CADM2: variants seen among roughly 807,000 people sequenced by gnomAD.
CADM2 encodes immunoglobulin superfamily member 4D.
Under a neutral mutation model 49.8 loss-of-function variants are expected in CADM2, and 12 were observed. The observed-to-expected ratio is 0.24, with a 90% confidence interval of 0.15 to 0.39. The LOEUF is 0.39. Among genes scored for constraint, CADM2 ranks in the 10% least tolerant of loss-of-function variants. CADM2 has a pLI of 1.00. For synonymous variants in CADM2, 214 were observed against 175.4 expected, an observed-to-expected ratio of 1.22 and a Z score of -1.74; for missense variants, 378 against 492.3, an observed-to-expected ratio of 0.77 and a Z score of 2.20.
At chr3:85,245,356 C>CA (rs1269152084) in intron 1 of CADM2, among the ~76,000 whole-genome samples, 2 of 151,736 alleles carry the variant, frequency 1.3e-5, no homozygotes, top group South Asian at 2.1e-4. Flanking sequence ...ACTAAAAATA[C>CA]AAAAAATTAG....
At position 86,068,748 on chromosome 3, in the gene CADM2, A is replaced by G. The variant is rs1578111962; in HGVS notation, c.*1965A>G. On this transcript the variant is annotated 3_prime_UTR_variant, in exon 10 of 10. Transcript: ENST00000383699. ...GAATATACAGAACATAAATAATATG[A>G]TGTGGTTGAGTGTTAACATAATAAA... The G allele has an allele frequency of 1.3e-5, 2 of 152,368 alleles. No individual in the cohort carries two copies. Among genetic ancestry groups the G allele is most frequent in the Non-Finnish European group, 1.5e-5 (1 of 67,836 alleles). The allele number at this position is 152,368 out of a possible 1,614,324, so 9.4% of individuals were successfully genotyped here.
intron 1 of CADM2, among the ~76,000 whole-genome samples, chr3:85,526,470 CA>C (rs1221149334): frequency 2.0e-5 from 3 of 152,036 alleles, no homozygotes; most frequent in Non-Finnish European, 4.4e-5. Context: ...TTCAACAAAA[CA>C]AAACAAAAGC....
intron 1 of CADM2, among the ~76,000 whole-genome samples, chr3:85,606,410 C>T (rs751300203): frequency 1.6e-4 from 25 of 152,028 alleles, no homozygotes; most frequent in Non-Finnish European, 3.1e-4. Flanking sequence ...GGAGTGCCCG[C>T]AGCTTAGTTT....
intron 1 of CADM2, among the ~76,000 whole-genome samples, chr3:85,603,269 T>C (rs965414393): frequency 3.3e-5 from 5 of 151,934 alleles, no homozygotes; most frequent in African/African-American, 9.7e-5. Context: ...CTGCATTTCT[T>C]CTAACATGCC....
At chr3:85,439,405 G>A (rs768077958) in intron 1 of CADM2, among the ~76,000 whole-genome samples, 3 of 151,750 alleles carry the variant, frequency 2.0e-5, no homozygotes, top group East Asian at 1.9e-4. Context: ...TGCCCGCCTC[G>A]GCCTATCAAA....
At chr3:85,931,657 A>C (rs996049799) in intron 6 of CADM2, among the ~76,000 whole-genome samples, 5 of 152,314 alleles carry the variant, frequency 3.3e-5, no homozygotes, top group African/African-American at 9.6e-5. Context: ...ATTTGAATTA[A>C]GATTTTAAAA....
At chr3:84,961,424 C>A (rs1273411631) in intron 1 of CADM2, among the ~76,000 whole-genome samples, 2 of 152,130 alleles carry the variant, frequency 1.3e-5, no homozygotes, top group Admixed American at 1.3e-4. Flanking sequence ...GTGCCAGAAT[C>A]TCCGTGAAGG....
intron 1 of CADM2, among the ~76,000 whole-genome samples, chr3:85,327,589 C>CACACACCA (rs1553709186): frequency 1.1e-4 from 13 of 115,214 alleles, no homozygotes; most frequent in African/African-American, 3.6e-4. Flanking sequence ...CACACACACA[C>CACACACCA]CACACACACA....
At chr3:85,685,272 A>T (rs780134175) in intron 1 of CADM2, among the ~76,000 whole-genome samples, 1 of 152,182 alleles carries the variant, frequency 6.6e-6, no homozygotes, top group Admixed American at 6.5e-5. Context: ...CCAGGTAGGC[A>T]TGTCCCCTTG....
At chr3:85,461,089 G>C (rs1271612902) in intron 1 of CADM2, among the ~76,000 whole-genome samples, 1 of 152,084 alleles carries the variant, frequency 6.6e-6, no homozygotes, top group Non-Finnish European at 1.5e-5. Context: ...TCAGTGGAAG[G>C]TACAGAGATT....
At chr3:85,268,329 G>A (rs967399545) in intron 1 of CADM2, among the ~76,000 whole-genome samples, 3 of 151,288 alleles carry the variant, frequency 2.0e-5, no homozygotes, top group African/African-American at 7.3e-5. Flanking sequence ...GGATTAAAAT[G>A]ATTTTCATTA....
intron 1 of CADM2, among the ~76,000 whole-genome samples, chr3:85,072,985 G>A (rs745727329): frequency 4.5e-4 from 68 of 152,040 alleles, no homozygotes; most frequent in South Asian, 1.0e-3. Context: ...TCTTTCCCTA[G>A]GTTAAACATT....
At chr3:85,672,417 C>A (rs775837535) in intron 1 of CADM2, among the ~76,000 whole-genome samples, 4 of 152,012 alleles carry the variant, frequency 2.6e-5, no homozygotes, top group African/African-American at 4.8e-5. Context: ...TGGTCTTGAT[C>A]TCCTGACCTT....
At chr3:85,811,326 A>C (rs1004687053) in intron 3 of CADM2, among the ~76,000 whole-genome samples, 1 of 152,212 alleles carries the variant, frequency 6.6e-6, no homozygotes, top group African/African-American at 2.4e-5. Flanking sequence ...TTGTTTGTAA[A>C]CATATATTTT....
intron 1 of CADM2, among the ~76,000 whole-genome samples, chr3:85,380,772 G>A (rs1267857683): frequency 1.3e-5 from 2 of 151,638 alleles, no homozygotes; most frequent in African/African-American, 4.8e-5. Flanking sequence ...TTTTGATTCA[G>A]ATAATCAATT....
chr3:86,037,536 T>G (rs1420304564), intron 8 of CADM2, among the ~76,000 whole-genome samples: 1 of 152,128 alleles, frequency 6.6e-6, no homozygotes, highest in Admixed American at 6.6e-5. Flanking sequence ...CAAAAATATA[T>G]TGAATAAGGC....
rs150907297 is a variant in CADM2, at chr3:86,069,381, G to A, written c.*2598G>A. On this transcript the variant is annotated 3_prime_UTR_variant, in exon 10 of 10. Coordinates refer to ENST00000383699, the MANE Select transcript of CADM2 (RefSeq NM_001167675.2). Reference sequence around the variant, plus strand: ...AAATGCTGGTATATTATAATTTGTGGGATCTAATTAAATGTTTGCCTATTA... The same window carrying A: ...AAATGCTGGTATATTATAATTTGTGAGATCTAATTAAATGTTTGCCTATTA... The A allele has an allele frequency of 6.5e-4, 98 of 151,760 alleles. No individual in the cohort carries two copies. The highest frequency in any genetic ancestry group is 2.2e-3 in the African/African-American group (90 of 41,424). The allele number at this position is 151,760 out of a possible 1,614,324, so 9.4% of individuals were successfully genotyped here.
chr3:85,383,530 A>G (rs1225272193), intron 1 of CADM2, among the ~76,000 whole-genome samples: 1 of 146,058 alleles, frequency 6.8e-6, no homozygotes, highest in Admixed American at 6.9e-5. Context: ...ATATATATAT[A>G]TATATATACA....
chr3:85,512,905 T>G (rs1249725014), intron 1 of CADM2, among the ~76,000 whole-genome samples: 1 of 152,046 alleles, frequency 6.6e-6, no homozygotes, highest in East Asian at 1.9e-4. Flanking sequence ...GTCTGTAAAA[T>G]TCACAATATT....
Sources: gnomAD v4.1 joint callset for allele counts (sites outside exome capture counted in the v4.1 genomes callset) on GRCh38, gnomAD v4.1.1 for gene constraint, MANE v1.5 for transcripts, NCBI Gene and HGNC (gene_info 2026-07-23, HGNC 2026-07-21) for gene names.